Variants in SLC25A10 observed in about 807,000 individuals in gnomAD.
SLC25A10 encodes the protein solute carrier family 25 member 10.
SLC25A10 carries 32 observed loss-of-function variants against 40.4 expected under a neutral mutation model. The observed-to-expected ratio is 0.79, with a 90% CI of 0.60 to 1.06. The LOEUF (loss-of-function observed/expected upper bound fraction) is 1.06. Among genes scored for constraint, SLC25A10 ranks in the 50% least tolerant of loss-of-function variants. SLC25A10 has a pLI of 0.00. For synonymous variants in SLC25A10, 181 were observed against 171.1 expected, an observed-to-expected ratio of 1.06 and a Z score of -0.45; for missense variants, 394 against 402.6, an observed-to-expected ratio of 0.98 and a Z score of 0.18.
chr17:81,717,577 G>A (rs1012034634), intron 8 of SLC25A10, 86 bp downstream of exon 8: 69 of 1,507,322 alleles, frequency 4.6e-5, no homozygotes, highest in Admixed American at 1.5e-4. Context: ...GGCTGGGGGA[G>A]GCGGGGGCCT....
At chr17:81,718,137 G>A (rs1219667847) in intron 9 of SLC25A10, among the ~76,000 whole-genome samples, 2 of 152,196 alleles carry the variant, frequency 1.3e-5, no homozygotes, top group African/African-American at 4.8e-5. Flanking sequence ...CTTGAGTCTA[G>A]GAGTTCAAGA....
At chr17:81,716,782 T>C (rs1381984441) in intron 5 of SLC25A10, 30 bp from the exon 6 acceptor site, 1 of 1,594,932 alleles carries the variant, frequency 6.3e-7, no homozygotes, top group East Asian at 2.3e-5. Context: ...TCAGGGGGAG[T>C]CTCATGTGGT....
chr17:81,717,413 C>T lies in SLC25A10; in HGVS notation c.549C>T (p.Asp183=), dbSNP rs756395996. Residue 183 remains aspartate (D), a synonymous_variant, in exon 8 of 11, where the codon GAC becomes GAT. Transcript: ENST00000350690. ...LVTVGQLSCY[D]QAKQLVLSTG... Reference sequence around the variant, plus strand: ...TGCCCCTGCAGCTGTCCTGCTACGACCAGGCCAAGCAGCTGGTCCTTAGCA... The same window carrying T: ...TGCCCCTGCAGCTGTCCTGCTACGATCAGGCCAAGCAGCTGGTCCTTAGCA... 7 of 1,613,386 alleles carry T rather than the reference C, an allele frequency of 4.3e-6. No individual in the cohort carries two copies. In the Admixed American group the frequency reaches 1.0e-4, roughly 23 times the overall value.
chr17:81,716,137 C>A, intron 5 of SLC25A10, 87 bp downstream of exon 5: 1 of 1,443,768 alleles, frequency 6.9e-7, no homozygotes, highest in Non-Finnish European at 9.5e-7. Flanking sequence ...CGTGACCCAG[C>A]TGAGGCTCCA....
Position 81,720,281 on chromosome 17 carries a change from C to G in SLC25A10, c.*204C>G. 1.4e-6 allele frequency: 2 copies of G among 1,438,292 alleles called. No individual in the cohort carries two copies. Among genetic ancestry groups the G allele is most frequent in the Non-Finnish European group, 1.8e-6 (2 of 1,101,876 alleles). 89.1% of individuals were successfully genotyped at this position (1,438,292 alleles called of 1,614,324 possible). On this transcript the variant is annotated 3_prime_UTR_variant, in exon 11 of 11. Coordinates refer to ENST00000350690, the MANE Select transcript of SLC25A10 (RefSeq NM_012140.5). ...CAGCTGTAGCTGCACCACCCCCGCT[C>G]TGGCTACCAGGCTCTCCCGGCTGGG... is the stretch of plus-strand genomic sequence containing the variant.
chr17:81,717,538 G>A (rs1481747769), intron 8 of SLC25A10, 47 bp downstream of exon 8: 1 of 1,598,094 alleles, frequency 6.3e-7, no homozygotes. Flanking sequence ...GCCGGCCTTG[G>A]GCGCTGAGGG....
chr17:81,718,103 TG>T (rs1490693749), intron 9 of SLC25A10, among the ~76,000 whole-genome samples: 1 of 152,220 alleles, frequency 6.6e-6, no homozygotes. Context: ...CCCAGCACTT[TG>T]GGAGCCTGAG....
In SLC25A10 at chr17:81,715,131, C is replaced by G. The variant is rs895019319; in HGVS notation, c.213+59C>G. On this transcript the variant is annotated intron_variant, in intron 2 of 10. Transcript: ENST00000350690. ...CTGGGGCTGAGTCCTGCAGTGGCAT[C>G]CAAGCTACTTCCGTCCCCTTTTCAA... 64 of 1,586,696 alleles carry G rather than the reference C, an allele frequency of 4.0e-5. No homozygotes were observed. In the African/African-American group the frequency reaches 8.3e-4, roughly 21 times the overall value.
chr17:81,719,176 G>C (rs907288310), intron 9 of SLC25A10, among the ~76,000 whole-genome samples: 35 of 151,046 alleles, frequency 2.3e-4, no homozygotes. Flanking sequence ...CAGGTGATCC[G>C]CTTGCCTCGG....
In SLC25A10 at chr17:81,719,813, T is replaced by G. The variant is rs2037555331; in HGVS notation, c.706-18T>G. The G allele has an allele frequency of 1.2e-6, 2 of 1,612,408 alleles. No individual in the cohort carries two copies. Among genetic ancestry groups the G allele is most frequent in the Admixed American group, 3.3e-5 (2 of 60,000 alleles). ...GTGAGAAGCAGCCTTTTTGATTGTT[T>G]CACTGCGTTTTCTGCAGGGCGTTTT... On this transcript the variant is annotated intron_variant, in intron 9 of 10. Coordinates refer to ENST00000350690, the MANE Select transcript of SLC25A10 (RefSeq NM_012140.5).
intron 10 of SLC25A10, 32 bp downstream of exon 10, chr17:81,719,919 A>G (rs745764884): frequency 6.2e-7 from 1 of 1,613,576 alleles, no homozygotes; most frequent in East Asian, 2.2e-5. Context: ...CGGCTTGGGC[A>G]ATGGGGAGCG....
chr17:81,719,694 C>A, intron 9 of SLC25A10, 137 bp from the exon 10 acceptor site: 1 of 1,037,262 alleles, frequency 9.6e-7, no homozygotes, highest in Non-Finnish European at 1.5e-6. Context: ...GCAGCCGCCG[C>A]TCACACCCAC....
In SLC25A10 at chr17:81,712,516, C is replaced by G; in HGVS notation, c.90C>G (p.Leu30=). 1 of 1,257,662 alleles carries G rather than the reference C, an allele frequency of 8.0e-7. No individual in the cohort carries two copies. The allele number at this position is 1,257,662 out of a possible 1,614,324, so 77.9% of individuals were successfully genotyped here. A position where few individuals can be genotyped will look rare whatever the true frequency, so the allele number is the denominator to read the frequency against. ...AACCTHPLDL[L]KVHLQTQQEV... is the part of the protein sequence containing the mutation. ...GCTGCACGCACCCGCTGGACCTGCT[C>G]AAGGTGAGGCCGGGGCCCGGGACGC... The change falls in exon 1 of 11, where the codon CTC becomes CTG. Residue 30 remains leucine, a synonymous_variant. Coordinates refer to ENST00000350690, the MANE Select transcript of SLC25A10 (RefSeq NM_012140.5).
chr17:81,720,340 C>T lies in SLC25A10; in HGVS notation c.*263C>T. On this transcript the variant is annotated 3_prime_UTR_variant, in exon 11 of 11. Coordinates refer to ENST00000350690, the MANE Select transcript of SLC25A10 (RefSeq NM_012140.5). ...GGCCTTGCCCCTCTCCCGCTGGCAG[C>T]TCCTCAGGGGAACAGGGGCTACCAG... The T allele has an allele frequency of 1.4e-6, 2 of 1,426,092 alleles. No individual in the cohort carries two copies. Among genetic ancestry groups the T allele is most frequent in the South Asian group, 1.5e-5 (1 of 66,112 alleles). 88.3% of individuals were successfully genotyped at this position (1,426,092 alleles called of 1,614,324 possible).
intron 5 of SLC25A10, among the ~76,000 whole-genome samples, chr17:81,716,333 G>A (rs1173719915): frequency 2.6e-5 from 4 of 152,314 alleles, no homozygotes; most frequent in African/African-American, 7.2e-5. Context: ...CATGGAGAGA[G>A]CGCATGCAAC....
At position 81,715,021 on chromosome 17, in the gene SLC25A10, C is replaced by T. The variant is rs3204270; in HGVS notation, c.162C>T (p.Thr54=). 0.091 allele frequency: 146,663 copies of T among 1,609,912 alleles called. 7,442 individuals are homozygous for T. The highest frequency in any genetic ancestry group is 0.1 in the Middle Eastern group (514 of 4,924). The change falls in exon 2 of 11, where the codon ACC becomes ACT. Residue 54 remains threonine (T), a synonymous_variant. Coordinates refer to ENST00000350690, the MANE Select transcript of SLC25A10 (RefSeq NM_012140.5). ...MTGMALRVVR[T]DGILALYSGL... Reference sequence around the variant, plus strand: ...GCATGGCGCTGCGGGTGGTGCGTACCGACGGCATCCTGGCACTCTACAGCG... The same window carrying T: ...GCATGGCGCTGCGGGTGGTGCGTACTGACGGCATCCTGGCACTCTACAGCG...
At chr17:81,714,191 T>C (rs961732921) in intron 1 of SLC25A10, among the ~76,000 whole-genome samples, 1 of 152,184 alleles carries the variant, frequency 6.6e-6, no homozygotes, top group Non-Finnish European at 1.5e-5. Context: ...AGGACTTCTT[T>C]GGGGTCAGTG....
chr17:81,716,806 C>A lies in SLC25A10; in HGVS notation c.420-6C>A. 6.2e-7 allele frequency: 1 copy of A among 1,605,730 alleles called. No individual in the cohort carries two copies. On this transcript the variant is annotated splice_region_variant and splice_polypyrimidine_tract_variant and intron_variant, in intron 5 of 10. Coordinates refer to ENST00000350690, the MANE Select transcript of SLC25A10 (RefSeq NM_012140.5). ...GTCTCATGTGGTCATTCTGTGTCCC[C>A]GGCAGCTACGCCCATGCGCTGGATG... is the stretch of plus-strand genomic sequence containing the variant.
At chr17:81,717,218 G>C (rs1356587838) in intron 7 of SLC25A10, 146 bp downstream of exon 7, 1 of 1,057,948 alleles carries the variant, frequency 9.5e-7, no homozygotes, top group South Asian at 1.4e-5. Context: ...TGGGGGGCAC[G>C]GGTGGGTCAG....
Sources: gnomAD v4.1 joint callset for allele counts (sites outside exome capture counted in the v4.1 genomes callset) on GRCh38, gnomAD v4.1.1 for gene constraint, MANE v1.5 for transcripts, NCBI Gene and HGNC (gene_info 2026-07-23, HGNC 2026-07-21) for gene names.